Variants in RAD54L2 observed in about 807,000 individuals in gnomAD.
RAD54L2 encodes RAD54 like 2.
Under a neutral mutation model 138.4 loss-of-function variants are expected in RAD54L2, and 27 were observed. The observed-to-expected ratio is 0.20, with a 90% CI of 0.14 to 0.27. The LOEUF (loss-of-function observed/expected upper bound fraction) is 0.27, where lower values mean the gene tolerates loss of function less well. Among genes scored for constraint, RAD54L2 ranks in the 10% least tolerant of loss-of-function variants. The pLI is 1.00. For synonymous variants in RAD54L2, 644 were observed against 723.2 expected (o/e 0.89, Z 1.76); for missense variants, 1,396 against 1,890.2 (o/e 0.74, Z 4.85).
chr3:51,565,688 G>C (rs1156438290), intron 2 of RAD54L2, among the ~76,000 whole-genome samples: 1 of 152,060 alleles, frequency 6.6e-6, no homozygotes, highest in Non-Finnish European at 1.5e-5. Flanking sequence ...GGCCAGGCTG[G>C]TCTTGAACTC....
chr3:51,546,640 C>CAAAAACA (rs782396617), intron 2 of RAD54L2, among the ~76,000 whole-genome samples: 2 of 151,358 alleles, frequency 1.3e-5, no homozygotes, highest in African/African-American at 4.9e-5. Flanking sequence ...AACTGCGTCT[C>CAAAAACA]AAAAACAAAA....
intron 10 of RAD54L2, among the ~76,000 whole-genome samples, chr3:51,636,799 G>A (rs1700992069): frequency 6.6e-6 from 1 of 152,176 alleles, no homozygotes; most frequent in African/African-American, 2.4e-5. Context: ...CAGGCATGGT[G>A]GCGCATGCCT....
intron 2 of RAD54L2, among the ~76,000 whole-genome samples, chr3:51,542,791 C>T (rs1320741911): frequency 6.6e-6 from 1 of 152,122 alleles, no homozygotes; most frequent in Admixed American, 6.6e-5. Context: ...TGCCGGTAGG[C>T]AGGAGTCCAC....
At chr3:51,629,989 C>T (rs771333164) in intron 5 of RAD54L2, among the ~76,000 whole-genome samples, 8 of 152,156 alleles carry the variant, frequency 5.3e-5, no homozygotes, top group Non-Finnish European at 8.8e-5. Flanking sequence ...AAAATGTACT[C>T]TTTAAATAGG....
chr3:51,603,394 T>C (rs553326869), intron 3 of RAD54L2, among the ~76,000 whole-genome samples: 2 of 152,106 alleles, frequency 1.3e-5, no homozygotes, highest in Admixed American at 1.3e-4. Context: ...TCACTTGAAG[T>C]TGGGAGTTTG....
chr3:51,549,139 G>A (rs992418596), intron 2 of RAD54L2, among the ~76,000 whole-genome samples: 18 of 151,948 alleles, frequency 1.2e-4, no homozygotes, highest in African/African-American at 4.1e-4. Flanking sequence ...GATTACAGGC[G>A]CCCACCACCA....
Position 51,645,844 on chromosome 3 carries a change from A to C in RAD54L2, c.2829+81A>C. ...GCTTGTCTTGTAAGCTTTTTTCTTC[A>C]TCTGAGGTGATGTTTCATGCAGGTG... On this transcript the variant is annotated intron_variant, in intron 18 of 22. Transcript: ENST00000684192. The surrounding 1 kb of genome is among the most constrained non-coding windows in gnomAD (Gnocchi z 6.1). 5.1e-6 allele frequency: 7 copies of C among 1,382,328 alleles called. No individual in the cohort carries two copies. Among genetic ancestry groups the C allele is most frequent in the Non-Finnish European group, 6.8e-6 (7 of 1,029,772 alleles). 85.6% of individuals were successfully genotyped at this position (1,382,328 alleles called of 1,614,324 possible).
At position 51,663,372 on chromosome 3, in the gene RAD54L2, T is replaced by G; in HGVS notation, c.4356T>G (p.Asn1452Lys). ...HEVAEVGFSSNDDEDKDDDVI... is the reference protein window; with the variant it reads ...HEVAEVGFSSKDDEDKDDDVI... ...TTGCCGAGGTTGGGTTCAGCTCCAA[T>G]GATGATGAGGATAAAGACGATGATG... is the stretch of plus-strand genomic sequence containing the variant. Residue 1452 changes from asparagine to lysine, a missense_variant, in exon 23 of 23, where the codon AAT becomes AAG. By Grantham distance (94) the Asn-to-Lys change is moderately conservative. This residue lies in a region of RAD54L2 where 634 missense variants were observed against 711.2 expected (regional missense o/e 0.89). Transcript: ENST00000684192. 1.2e-6 allele frequency: 2 copies of G among 1,613,580 alleles called. No individual in the cohort carries two copies. Among genetic ancestry groups the G allele is most frequent in the Non-Finnish European group, 1.7e-6 (2 of 1,179,806 alleles).
chr3:51,634,581 G>A (rs1577444923), intron 9 of RAD54L2, among the ~76,000 whole-genome samples: 1 of 152,042 alleles, frequency 6.6e-6, no homozygotes, highest in South Asian at 2.1e-4. Flanking sequence ...TGTTGGCCAG[G>A]CTGGTCTCGA....
rs749971941 is a variant in RAD54L2 at position 51,657,680 on chromosome 3, G to A, written c.3316+11G>A. 26 of 1,528,222 alleles carry A rather than the reference G, an allele frequency of 1.7e-5. No individual in the cohort carries two copies. The South Asian group carries it at 2.9e-4, about 17-fold the overall frequency. 94.7% of individuals were successfully genotyped at this position (1,528,222 alleles called of 1,614,324 possible). ...TCCGTGGGACAAAAGGTAAGAGCCT[G>A]ACCAAGGACCTGTTCCCTGCCTTTG... On this transcript the variant is annotated intron_variant, in intron 21 of 22. Coordinates refer to ENST00000684192, the MANE Select transcript of RAD54L2 (RefSeq NM_015106.4).
rs1577474358 is a variant in RAD54L2 at position 51,662,212 on chromosome 3, G to A, written c.3410-214G>A. Among the ~76,000 whole-genome samples the A allele has an allele frequency of 6.6e-6, 1 of 152,162 alleles. No individual in the cohort carries two copies. The highest frequency in any genetic ancestry group is 1.5e-5 in the Non-Finnish European group (1 of 68,034). On this transcript the variant is annotated intron_variant, in intron 22 of 22. Coordinates refer to ENST00000684192, the MANE Select transcript of RAD54L2 (RefSeq NM_015106.4). This position sits in a 1 kb window ranked among gnomAD's most constrained non-coding sequence, Gnocchi z 4.6. ...TTACAGTTTGGGGAACTGGGGTGCA[G>A]AAAAGTTACATGCCTTGTCATAGAT...
At chr3:51,560,704 C>A (rs763399595) in intron 2 of RAD54L2, among the ~76,000 whole-genome samples, 6 of 152,160 alleles carry the variant, frequency 3.9e-5, no homozygotes, top group Admixed American at 6.6e-5. Flanking sequence ...TTTTAACTGG[C>A]CTTCTATTTT....
In RAD54L2 at chr3:51,584,446, A is replaced by T. The variant is rs147747350; in HGVS notation, c.-54-5921A>T. ...AATTTTCTTTATGTAACTGATAGAC[A>T]CTCAAAAGGCATTGGGCTACATGGA... On this transcript the variant is annotated intron_variant, in intron 2 of 22. Coordinates refer to ENST00000684192, the MANE Select transcript of RAD54L2 (RefSeq NM_015106.4). 2.2e-3 allele frequency among the ~76,000 whole-genome samples: 329 copies of T among 152,098 alleles called. 1 individual carries two copies. Among genetic ancestry groups the T allele is most frequent in the African/African-American group, 7.5e-3 (313 of 41,486 alleles).
At position 51,667,848 on chromosome 3, in the gene RAD54L2, G is replaced by A; in HGVS notation, c.*4428G>A. On this transcript the variant is annotated 3_prime_UTR_variant, in exon 23 of 23. Transcript: ENST00000684192. ...GTGTCCAACTTCTTTGCTCTTCAGG[G>A]ACCTGAGTGTGCACCTTTCCCTTTT... is the stretch of plus-strand genomic sequence containing the variant. The A allele has an allele frequency of 6.6e-6, 1 of 152,244 alleles. No homozygotes were observed. 9.4% of individuals were successfully genotyped at this position (152,244 alleles called of 1,614,324 possible).
chr3:51,591,579 A>G (rs1346108075), intron 3 of RAD54L2, among the ~76,000 whole-genome samples: 4 of 152,088 alleles, frequency 2.6e-5, no homozygotes, highest in Admixed American at 1.3e-4. Context: ...GCCTCTCTCC[A>G]TTTCTGCGGG....
At chr3:51,618,701 C>T (rs1312197121) in intron 3 of RAD54L2, among the ~76,000 whole-genome samples, 1 of 152,202 alleles carries the variant, frequency 6.6e-6, no homozygotes, top group Non-Finnish European at 1.5e-5. Context: ...TGAGCTGACG[C>T]TGTAATGACT....
chr3:51,588,774 T>C (rs943528283), intron 2 of RAD54L2, among the ~76,000 whole-genome samples: 1 of 152,046 alleles, frequency 6.6e-6, no homozygotes, highest in Non-Finnish European at 1.5e-5. Flanking sequence ...ATGATAGACA[T>C]AGTATAGCAG....
chr3:51,610,096 A>C (rs1700295096), intron 3 of RAD54L2, among the ~76,000 whole-genome samples: 1 of 151,904 alleles, frequency 6.6e-6, no homozygotes, highest in African/African-American at 2.4e-5. Context: ...AGATCGAGCC[A>C]CTGCACTCCA....
intron 5 of RAD54L2, 69 bp downstream of exon 5, chr3:51,629,542 T>G: frequency 6.4e-7 from 1 of 1,560,966 alleles, no homozygotes; most frequent in Non-Finnish European, 8.7e-7. Flanking sequence ...CACACAGTGG[T>G]CAAAAGCAGA....
Sources: allele counts gnomAD v4.1 joint callset (sites outside exome capture counted in the v4.1 genomes callset), GRCh38; gene constraint gnomAD v4.1.1; regional missense constraint gnomAD v4.1.1; non-coding constraint Gnocchi (gnomAD v3.1); transcripts MANE v1.5; gene names NCBI Gene and HGNC (gene_info 2026-07-23, HGNC 2026-07-21).